RFX4: variants seen among roughly 807,000 people sequenced by gnomAD.
RFX4 encodes the protein transcription factor RFX4.
A neutral mutation model predicts 95.0 loss-of-function variants in RFX4; 10 were observed. The ratio of observed to expected loss-of-function variants is 0.11; its 90% CI spans 0.06 to 0.18. The LOEUF (loss-of-function observed/expected upper bound fraction) is 0.18. Among genes scored for constraint, RFX4 ranks in the 10% least tolerant of loss-of-function variants. RFX4 has a pLI of 1.00. For synonymous variants in RFX4, 321 were observed against 340.7 expected (o/e 0.94, Z 0.64); for missense variants, 640 against 922.0 (o/e 0.69, Z 3.96).
At chr12:106,620,129 G>T (rs954225777) in intron 2 of RFX4, among the ~76,000 whole-genome samples, 1 of 152,006 alleles carries the variant, frequency 6.6e-6, no homozygotes, top group Non-Finnish European at 1.5e-5. Context: ...TGGATTTCAG[G>T]TATTTTTGGT....
intron 1 of RFX4, among the ~76,000 whole-genome samples, chr12:106,607,935 G>A (rs2039872034): frequency 6.6e-6 from 1 of 152,198 alleles, no homozygotes; most frequent in South Asian, 2.1e-4. Context: ...GCTCACGCTT[G>A]TAATCCCAGC....
chr12:106,585,212 T>A (rs1474042806), intron 1 of RFX4, among the ~76,000 whole-genome samples: 2 of 152,192 alleles, frequency 1.3e-5, no homozygotes, highest in Non-Finnish European at 1.5e-5. Flanking sequence ...AGCTGCCTCC[T>A]CCACAGGGCC....
At chr12:106,625,178 A>T (rs2040268988) in intron 2 of RFX4, among the ~76,000 whole-genome samples, 1 of 152,212 alleles carries the variant, frequency 6.6e-6, no homozygotes, top group African/African-American at 2.4e-5. Context: ...TCACACTCCT[A>T]GTTAGTGGCA....
intron 3 of RFX4, among the ~76,000 whole-genome samples, chr12:106,652,450 C>T (rs1056758539): frequency 3.3e-5 from 5 of 152,320 alleles, no homozygotes; most frequent in Admixed American, 1.3e-4. Flanking sequence ...TACTGAGCCC[C>T]TACTGTGTGC....
intron 1 of RFX4, among the ~76,000 whole-genome samples, chr12:106,598,308 T>G (rs2039649020): frequency 1.3e-5 from 2 of 152,182 alleles, no homozygotes; most frequent in African/African-American, 4.8e-5. Context: ...AATGGAACGT[T>G]TGGCATCTTT....
chr12:106,654,192 A>T, intron 3 of RFX4, 36 bp from the exon 4 acceptor site: 1 of 1,613,502 alleles, frequency 6.2e-7, no homozygotes. Flanking sequence ...GGGGAAGGTA[A>T]CACATTTTTT....
At chr12:106,740,365 G>A (rs2042785269) in intron 15 of RFX4, among the ~76,000 whole-genome samples, 1 of 152,184 alleles carries the variant, frequency 6.6e-6, no homozygotes, top group Admixed American at 6.5e-5. Context: ...CACAGAGTCT[G>A]CGATGACTCA....
At chr12:106,749,917 C>G (rs2042967798) in intron 16 of RFX4, among the ~76,000 whole-genome samples, 1 of 152,272 alleles carries the variant, frequency 6.6e-6, no homozygotes, top group Admixed American at 6.5e-5. Flanking sequence ...GATGTGGAAG[C>G]AGAGGCCTGA....
At chr12:106,658,022 T>C (rs2040995628) in intron 4 of RFX4, among the ~76,000 whole-genome samples, 2 of 152,158 alleles carry the variant, frequency 1.3e-5, no homozygotes, top group African/African-American at 4.8e-5. Context: ...TGATTTTGTT[T>C]TGTCTGTCTC....
chr12:106,635,552 A>T lies in RFX4; in HGVS notation c.131-3780A>T, dbSNP rs534675491. 2.0e-5 allele frequency among the ~76,000 whole-genome samples: 3 copies of T among 152,134 alleles called. No individual in the cohort carries two copies. In the South Asian group the frequency reaches 6.2e-4, roughly 32 times the overall value. On this transcript the variant is annotated intron_variant, in intron 2 of 17. Coordinates refer to ENST00000392842, the MANE Select transcript of RFX4 (RefSeq NM_213594.3). ...GGTCTCAAACTCCTGGCCTCAAGTG[A>T]TCTGCCCCCCTCCGCCTCCCAAAGT...
At chr12:106,631,758 C>T (rs1406231659) in intron 2 of RFX4, among the ~76,000 whole-genome samples, 1 of 152,188 alleles carries the variant, frequency 6.6e-6, no homozygotes, top group African/African-American at 2.4e-5. Flanking sequence ...TATTTTGTTA[C>T]AGCAGCCTGA....
At chr12:106,681,966 G>C in intron 4 of RFX4, 27 bp from the exon 5 acceptor site, 2 of 1,613,540 alleles carry the variant, frequency 1.2e-6, no homozygotes, top group Non-Finnish European at 1.7e-6. Flanking sequence ...TTCCCAATGG[G>C]TAACTGATTC....
intron 7 of RFX4, among the ~76,000 whole-genome samples, chr12:106,694,271 C>T (rs1270250297): frequency 6.6e-6 from 1 of 152,230 alleles, no homozygotes; most frequent in African/African-American, 2.4e-5. Flanking sequence ...TCCTCCAAGC[C>T]TTCCATCCTG....
intron 4 of RFX4, among the ~76,000 whole-genome samples, chr12:106,666,737 T>C (rs1452901110): frequency 6.6e-6 from 1 of 152,220 alleles, no homozygotes; most frequent in African/African-American, 2.4e-5. Flanking sequence ...GTGTTTTTGA[T>C]CTTTAGCATT....
intron 11 of RFX4, among the ~76,000 whole-genome samples, chr12:106,718,884 G>A (rs1208375434): frequency 1.3e-5 from 2 of 151,844 alleles, no homozygotes; most frequent in Admixed American, 1.3e-4. Flanking sequence ...GCCAAGGCGG[G>A]CGGATCACGA....
rs769555437 is a variant in RFX4, at chr12:106,732,174, T to C, written c.1396T>C (p.Tyr466His). The C allele has an allele frequency of 6.2e-7, 1 of 1,614,022 alleles. No homozygotes were observed. The highest frequency in any genetic ancestry group is 1.1e-5 in the South Asian group (1 of 91,082). ...IHLMFDDYVLYLLESLHCQER... is the reference protein window; with the variant it reads ...IHLMFDDYVLHLLESLHCQER... ...CTTAATGTTTGATGACTACGTGCTC[T>C]ACCTGTTAGAATCTCTGCACTGTCA... Residue 466 changes from tyrosine to histidine, a missense_variant, in exon 14 of 18, where the codon TAC (tyrosine) becomes CAC (histidine). By Grantham distance (83) the Tyr-to-His change is moderately conservative. Transcript: ENST00000392842.
chr12:106,605,037 T>C (rs945066398), intron 1 of RFX4, among the ~76,000 whole-genome samples: 6 of 152,188 alleles, frequency 3.9e-5, no homozygotes, highest in Non-Finnish European at 8.8e-5. Context: ...TTAGTGTTCT[T>C]ATCTCTAAAA....
chr12:106,715,662 T>C, intron 11 of RFX4, 118 bp downstream of exon 11: 1 of 1,066,578 alleles, frequency 9.4e-7, no homozygotes, highest in South Asian at 1.6e-5. Flanking sequence ...TCTTCCTCCT[T>C]ATTGTTCCTT....
chr12:106,663,409 T>C (rs970398663), intron 4 of RFX4, among the ~76,000 whole-genome samples: 5 of 152,104 alleles, frequency 3.3e-5, no homozygotes, highest in Admixed American at 2.6e-4. Context: ...ATTAGCCTTG[T>C]ATCTTGCAAC....
Sources: gnomAD v4.1 joint callset for allele counts (sites outside exome capture counted in the v4.1 genomes callset) on GRCh38, gnomAD v4.1.1 for gene constraint, MANE v1.5 for transcripts, NCBI Gene and HGNC (gene_info 2026-07-23, HGNC 2026-07-21) for gene names.